The following RABGEF1 variants were observed in gnomAD, a reference collection of about 807,000 sequenced individuals.
The protein encoded by RABGEF1 is RAB guanine nucleotide exchange factor 1.
A neutral mutation model predicts 57.3 loss-of-function variants in RABGEF1; 26 were observed. That is an observed-to-expected ratio of 0.45 (90% confidence interval 0.33 to 0.63). The LOEUF (loss-of-function observed/expected upper bound fraction) is 0.63. Ranked by LOEUF, RABGEF1 falls within the 20% of genes least tolerant of loss-of-function variation. The pLI, the probability that RABGEF1 is intolerant of heterozygous loss-of-function variation, is 0.02. For synonymous variants in RABGEF1, 185 were observed against 210.7 expected (o/e 0.88, Z 1.06); for missense variants, 464 against 607.6 (o/e 0.76, Z 2.48).
At position 66,809,426 on chromosome 7, in the gene RABGEF1, G is replaced by GT; in HGVS notation, c.*147dup. ...AGGTACAGTATATGGGGATTGTTTC[G>GT]TTTTTCCTAGCAGGGGAACCTTAGT... On this transcript the variant is annotated 3_prime_UTR_variant, in exon 9 of 9. Coordinates refer to ENST00000284957, the MANE Select transcript of RABGEF1 (RefSeq NM_014504.3). 1.2e-6 allele frequency: 1 copy of GT among 861,486 alleles called. No individual in the cohort carries two copies. The highest frequency in any genetic ancestry group is 1.7e-6 in the Non-Finnish European group (1 of 605,342). The allele number at this position is 861,486 out of a possible 1,614,324, so 53.4% of individuals were successfully genotyped here.
At chr7:66,798,945 T>G (rs913011862) in intron 6 of RABGEF1, among the ~76,000 whole-genome samples, 1 of 152,078 alleles carries the variant, frequency 6.6e-6, no homozygotes, top group Admixed American at 6.6e-5. Context: ...AGAGTGAGAC[T>G]CCATCTCAAA....
upstream of RABGEF1, among the ~76,000 whole-genome samples, chr7:66,737,095 A>AGAGAGAGAGAGAGAGAGCGAGAGC: frequency 7.2e-6 from 1 of 138,736 alleles, no homozygotes; most frequent in African/African-American, 2.7e-5. Context: ...AGCGAGAGCG[A>AGAGAGAGAGAGAGAGAGCGAGAGC]GAGAGAGAGA....
intron 1 of RABGEF1, among the ~76,000 whole-genome samples, chr7:66,757,289 CTG>C (rs1387209461): frequency 1.3e-5 from 2 of 152,014 alleles, no homozygotes; most frequent in African/African-American, 4.8e-5. Context: ...TATTGTTTCT[CTG>C]TTACAAGAGT....
rs111455723 is a variant in RABGEF1 at position 66,718,255 on chromosome 7, G to A, written c.-815+6031G>A. ...AGCTACTCAGGAGGCTGAGGTGGGAGGATTGCTTGAACCTGGGAGGCAGAG... is the reference window on the plus strand; with the variant it reads ...AGCTACTCAGGAGGCTGAGGTGGGAAGATTGCTTGAACCTGGGAGGCAGAG... On this transcript the variant is annotated intron_variant and NMD_transcript_variant, in intron 2 of 9. Coordinates refer to the RABGEF1 transcript ENST00000607882. Among the ~76,000 whole-genome samples the A allele has an allele frequency of 5.9e-4, 90 of 152,252 alleles. 1 individual carries two copies. Among genetic ancestry groups the A allele is most frequent in the African/African-American group, 2.0e-3 (85 of 41,524 alleles).
At chr7:66,737,326 C>G (rs1235505769), upstream of RABGEF1, among the ~76,000 whole-genome samples, 1 of 152,078 alleles carries the variant, frequency 6.6e-6, no homozygotes, top group Non-Finnish European at 1.5e-5. Flanking sequence ...GCCATCATGG[C>G]TCACTACATC....
intron 4 of RABGEF1, among the ~76,000 whole-genome samples, chr7:66,786,596 G>T (rs1390740467): frequency 1.3e-5 from 2 of 152,106 alleles, no homozygotes; most frequent in Non-Finnish European, 2.9e-5. Context: ...TAGAGACAGG[G>T]TTTCCCTATG....
At chr7:66,761,147 T>C (rs1015010455) in intron 1 of RABGEF1, among the ~76,000 whole-genome samples, 6 of 152,166 alleles carry the variant, frequency 3.9e-5, no homozygotes, top group African/African-American at 1.2e-4. Flanking sequence ...ACAGAAGACT[T>C]CCATGACCAT....
chr7:66,744,408 C>T (rs894767728), intron 1 of RABGEF1, among the ~76,000 whole-genome samples: 2 of 151,696 alleles, frequency 1.3e-5, no homozygotes, highest in Non-Finnish European at 2.9e-5. Context: ...GTGGCTCACG[C>T]CTGTAATCCC....
At chr7:66,700,979 C>T (rs548445990) in intron 1 of RABGEF1, among the ~76,000 whole-genome samples, 87 of 152,294 alleles carry the variant, frequency 5.7e-4, no homozygotes, top group African/African-American at 1.7e-3. Flanking sequence ...TGGTGGGCAG[C>T]GCTGTCTTGC....
chr7:66,771,347 G>A (rs938462041), intron 1 of RABGEF1, among the ~76,000 whole-genome samples: 33 of 152,162 alleles, frequency 2.2e-4, no homozygotes, highest in African/African-American at 7.5e-4. Context: ...CACCGTGTTA[G>A]CCAGGATACT....
At chr7:66,708,852 G>A (rs1480462515) in intron 1 of RABGEF1, among the ~76,000 whole-genome samples, 5 of 151,780 alleles carry the variant, frequency 3.3e-5, no homozygotes, top group Non-Finnish European at 7.4e-5. Flanking sequence ...GTTTTGTTTT[G>A]TTTTGCTCTA....
At chr7:66,731,519 C>A (rs923824553) in intron 2 of RABGEF1, among the ~76,000 whole-genome samples, 1 of 151,902 alleles carries the variant, frequency 6.6e-6, no homozygotes, top group Non-Finnish European at 1.5e-5. Context: ...GGAGTTGAGA[C>A]CAGCCTGGGC....
At chr7:66,727,466 T>C (rs1295080745) in intron 2 of RABGEF1, among the ~76,000 whole-genome samples, 6 of 152,266 alleles carry the variant, frequency 3.9e-5, no homozygotes, top group Admixed American at 3.3e-4. Flanking sequence ...TTCAGCATTC[T>C]GCTCCTACCC....
intron 2 of RABGEF1, among the ~76,000 whole-genome samples, chr7:66,713,246 A>T (rs574474251): frequency 6.8e-6 from 1 of 147,990 alleles, no homozygotes; most frequent in African/African-American, 2.5e-5. Context: ...GGTTCATGCC[A>T]TTCTTCTGCC....
intron 1 of RABGEF1, among the ~76,000 whole-genome samples, chr7:66,703,856 G>A (rs764134976): frequency 4.6e-5 from 7 of 152,174 alleles, no homozygotes; most frequent in Non-Finnish European, 8.8e-5. Context: ...GATAGGGATT[G>A]CACTGAATCT....
chr7:66,790,532 A>G (rs1260486796), intron 4 of RABGEF1, among the ~76,000 whole-genome samples: 1 of 152,126 alleles, frequency 6.6e-6, no homozygotes, highest in Non-Finnish European at 1.5e-5. Flanking sequence ...TCTAGTTACA[A>G]AAGTGAGGTT....
chr7:66,742,500 AC>A (rs1799217141), intron 1 of RABGEF1, among the ~76,000 whole-genome samples: 2 of 152,162 alleles, frequency 1.3e-5, no homozygotes, highest in Admixed American at 1.3e-4. Flanking sequence ...ATCAGGGAAT[AC>A]TTTCTGCATG....
chr7:66,741,112 C>T (rs1276497971), intron 1 of RABGEF1, among the ~76,000 whole-genome samples: 1 of 151,996 alleles, frequency 6.6e-6, no homozygotes, highest in East Asian at 1.9e-4. Context: ...CCGCCTCCCT[C>T]TCCGGCGGCT....
chr7:66,749,793 AACC>A (rs1801007104), intron 1 of RABGEF1, among the ~76,000 whole-genome samples: 1 of 152,108 alleles, frequency 6.6e-6, no homozygotes, highest in African/African-American at 2.4e-5. Context: ...AACACAGTTA[AACC>A]CCGTCTCTAC....
Sources: allele counts gnomAD v4.1 joint callset (sites outside exome capture counted in the v4.1 genomes callset), GRCh38; gene constraint gnomAD v4.1.1; transcripts MANE v1.5; gene names NCBI Gene and HGNC (gene_info 2026-07-23, HGNC 2026-07-21).